The following SORCS3 variants were observed in gnomAD, a reference collection of about 807,000 sequenced individuals.
SORCS3 encodes the protein VPS10 domain-containing receptor SorCS3.
In SORCS3, 57 loss-of-function variants were observed where a neutral mutation model predicts 146.3. The ratio of observed to expected loss-of-function variants is 0.39; its 90% CI spans 0.31 to 0.49. The LOEUF is 0.49. Among genes scored for constraint, SORCS3 ranks in the 20% least tolerant of loss-of-function variants. The pLI, the probability that SORCS3 is intolerant of heterozygous loss-of-function variation, is 0.92. For synonymous variants in SORCS3, 653 were observed against 618.5 expected (o/e 1.06, Z -0.83); for missense variants, 1,341 against 1,575.5 (o/e 0.85, Z 2.52).
At chr10:105,229,840 G>A (rs1214705149) in intron 20 of SORCS3, among the ~76,000 whole-genome samples, 1 of 152,154 alleles carries the variant, frequency 6.6e-6, no homozygotes, top group Non-Finnish European at 1.5e-5. Flanking sequence ...GGGCCTTCAG[G>A]TGTCTTGCTG....
chr10:105,214,193 C>T (rs1365944897), intron 17 of SORCS3, among the ~76,000 whole-genome samples: 1 of 152,162 alleles, frequency 6.6e-6, no homozygotes, highest in Non-Finnish European at 1.5e-5. Flanking sequence ...ATCTGTGGCT[C>T]ACCAGGTAGG....
At chr10:104,768,491 G>A (rs773501715) in intron 1 of SORCS3, among the ~76,000 whole-genome samples, 4 of 152,124 alleles carry the variant, frequency 2.6e-5, no homozygotes, top group Non-Finnish European at 4.4e-5. Flanking sequence ...GACGGGGCCA[G>A]GGAGAATGGG....
chr10:104,667,445 G>C (rs951523007), intron 1 of SORCS3, among the ~76,000 whole-genome samples: 1 of 152,176 alleles, frequency 6.6e-6, no homozygotes, highest in African/African-American at 2.4e-5. Context: ...CCTCAAGAGA[G>C]AGAAAACTGT....
chr10:105,157,164 G>A lies in SORCS3; in HGVS notation c.1509G>A (p.Leu503=). The A allele has an allele frequency of 6.2e-7, 1 of 1,613,904 alleles. No homozygotes were observed. Among genetic ancestry groups the A allele is most frequent in the Non-Finnish European group, 8.5e-7 (1 of 1,179,908 alleles). Residue 503 remains leucine, a synonymous_variant, in exon 10 of 27, where the codon CTG becomes CTA. Transcript: ENST00000369701. ...TAGCAGGTATCAAAGGGATATTTCT[G>A]GCAAACAAGAAGGTGGACGACCAGG... ...YEVAGIKGIF[L]ANKKVDDQVK... is the part of the protein sequence containing the mutation.
At chr10:104,889,140 AT>A (rs1046885548) in intron 2 of SORCS3, among the ~76,000 whole-genome samples, 2 of 151,116 alleles carry the variant, frequency 1.3e-5, no homozygotes, top group Non-Finnish European at 3.0e-5. Context: ...ATTGGTATAT[AT>A]TTTTTTACCC....
chr10:105,216,786 T>G (rs1307591039), intron 18 of SORCS3, 150 bp from the exon 19 acceptor site: 8 of 727,962 alleles, frequency 1.1e-5, no homozygotes, highest in Admixed American at 6.8e-5. Context: ...GCGGATCAGA[T>G]AGGAGTGTGA....
chr10:104,642,209 C>T (rs1332026992), intron 1 of SORCS3, among the ~76,000 whole-genome samples: 3 of 152,154 alleles, frequency 2.0e-5, no homozygotes, highest in African/African-American at 7.2e-5. Flanking sequence ...GAAGGGGCTT[C>T]TTAAAGATGA....
intron 1 of SORCS3, among the ~76,000 whole-genome samples, chr10:104,715,271 G>A (rs2016462813): frequency 6.6e-6 from 1 of 152,082 alleles, no homozygotes; most frequent in Non-Finnish European, 1.5e-5. Context: ...TCTGTTGCAG[G>A]CCCAAATAGA....
At chr10:104,764,608 A>G (rs965954948) in intron 1 of SORCS3, among the ~76,000 whole-genome samples, 3 of 152,240 alleles carry the variant, frequency 2.0e-5, no homozygotes, top group Admixed American at 6.5e-5. Flanking sequence ...TGTAAATCAT[A>G]AAGTATTCTA....
At chr10:105,221,623 C>T (rs2056702936) in intron 19 of SORCS3, among the ~76,000 whole-genome samples, 1 of 152,182 alleles carries the variant, frequency 6.6e-6, no homozygotes, top group South Asian at 2.1e-4. Flanking sequence ...AAACACTCAT[C>T]TGTTTTCTTC....
At chr10:104,890,018 A>G (rs1178376251) in intron 2 of SORCS3, among the ~76,000 whole-genome samples, 1 of 152,030 alleles carries the variant, frequency 6.6e-6, no homozygotes, top group African/African-American at 2.4e-5. Flanking sequence ...TATCATTTAC[A>G]TTGTTTCTAT....
intron 1 of SORCS3, among the ~76,000 whole-genome samples, chr10:104,741,699 G>GTTT (rs2016844335): frequency 2.6e-4 from 2 of 7,832 alleles, no homozygotes; most frequent in Non-Finnish European, 5.1e-4. Flanking sequence ...TTCCATTCTG[G>GTTT]GTTTTTTTTT....
At chr10:104,792,314 T>G (rs1008885790) in intron 1 of SORCS3, among the ~76,000 whole-genome samples, 20 of 152,142 alleles carry the variant, frequency 1.3e-4, no homozygotes, top group Admixed American at 5.9e-4. Context: ...TGGTGGAAGA[T>G]CTGTAGTAGG....
Position 105,264,796 on chromosome 10 carries a change from A to G in SORCS3, c.*1422A>G, listed in dbSNP as rs2056982106. On this transcript the variant is annotated 3_prime_UTR_variant, in exon 27 of 27. Coordinates refer to ENST00000369701, the MANE Select transcript of SORCS3 (RefSeq NM_014978.3). ...CATTTACACATACCAATTTTTTTCA[A>G]TAGGGTCACGTTAAGCCATGCTGTA... 6.6e-6 allele frequency: 1 copy of G among 152,582 alleles called. No individual in the cohort carries two copies. The highest frequency in any genetic ancestry group is 6.5e-5 in the Admixed American group (1 of 15,274). 9.5% of individuals were successfully genotyped at this position (152,582 alleles called of 1,614,324 possible). A position where few individuals can be genotyped will look rare whatever the true frequency, so the allele number is the denominator to read the frequency against.
intron 1 of SORCS3, chr10:104,665,320 C>G (rs1012621273): frequency 3.9e-5 from 6 of 152,168 alleles, no homozygotes; most frequent in African/African-American, 1.4e-4. Flanking sequence ...GGGAGCAGAA[C>G]CTTCAGGAAA....
chr10:104,975,845 A>C (rs1409746977), intron 3 of SORCS3, among the ~76,000 whole-genome samples: 1 of 152,244 alleles, frequency 6.6e-6, no homozygotes, highest in Non-Finnish European at 1.5e-5. Flanking sequence ...TGCCGGGAAA[A>C]CCGGCTAGCC....
chr10:105,217,259 G>A (rs764652237), intron 19 of SORCS3, 137 bp downstream of exon 19: 37 of 752,602 alleles, frequency 4.9e-5, no homozygotes, highest in Non-Finnish European at 6.5e-5. Flanking sequence ...GTGGAGATAT[G>A]TACTCATCTG....
chr10:105,024,477 T>C (rs2055215215), intron 4 of SORCS3, among the ~76,000 whole-genome samples: 2 of 152,144 alleles, frequency 1.3e-5, no homozygotes, highest in African/African-American at 4.8e-5. Flanking sequence ...AGAAAAGGAC[T>C]CCAGCATTGA....
intron 1 of SORCS3, among the ~76,000 whole-genome samples, chr10:104,649,152 C>T (rs1465151994): frequency 6.6e-6 from 1 of 152,030 alleles, no homozygotes; most frequent in Non-Finnish European, 1.5e-5. Flanking sequence ...GAATGCAATC[C>T]TCTTCTGGAT....
Sources: gnomAD v4.1 joint callset for allele counts (sites outside exome capture counted in the v4.1 genomes callset) on GRCh38, gnomAD v4.1.1 for gene constraint, MANE v1.5 for transcripts, NCBI Gene and HGNC (gene_info 2026-07-23, HGNC 2026-07-21) for gene names.